The following SGCZ variants were observed in gnomAD, a reference collection of about 807,000 sequenced individuals.
SGCZ encodes the protein zeta-sarcoglycan.
SGCZ carries 40 observed loss-of-function variants against 41.3 expected under a neutral mutation model. The observed-to-expected ratio is 0.97, with a 90% CI of 0.75 to 1.26. SGCZ has a LOEUF of 1.26. Among genes scored for constraint, SGCZ ranks in the 50% most tolerant of loss-of-function variants. The pLI, the probability that SGCZ is intolerant of heterozygous loss-of-function variation, is 0.00. For missense variants in SGCZ, 552 were observed against 369.8 expected, an observed-to-expected ratio of 1.49 and a Z score of -4.04; for synonymous variants, 206 against 137.5, an observed-to-expected ratio of 1.50 and a Z score of -3.49.
At chr8:14,359,285 G>C (rs911218874) in intron 2 of SGCZ, among the ~76,000 whole-genome samples, 3 of 152,078 alleles carry the variant, frequency 2.0e-5, no homozygotes, top group Non-Finnish European at 4.4e-5. Context: ...TCTAGCGGTT[G>C]ACTTCAACAC....
chr8:14,732,667 G>C (rs1266493758), intron 1 of SGCZ, among the ~76,000 whole-genome samples: 1 of 152,162 alleles, frequency 6.6e-6, no homozygotes, highest in Non-Finnish European at 1.5e-5. Context: ...ATTCTGACAA[G>C]TTACTTAACC....
chr8:14,102,419 G>T lies in SGCZ; in HGVS notation c.701C>A (p.Ala234Asp). 2.0e-6 allele frequency: 3 copies of T among 1,532,644 alleles called. No homozygotes were observed. The highest frequency in any genetic ancestry group is 1.8e-6 in the Non-Finnish European group (2 of 1,128,702). The allele number at this position is 1,532,644 out of a possible 1,614,324, so 94.9% of individuals were successfully genotyped here. A position where few individuals can be genotyped will look rare whatever the true frequency, so the allele number is the denominator to read the frequency against. ...QVSAAAGDFK[A>D]TCRKELHLQS... ...CAGATGGAGCTCCTTCCTGCAGGTG[G>T]CCTTGAAGTCTCCTGCAGCAGCACT... The change falls in exon 7 of 8, where the codon GCC (alanine) becomes GAC (aspartate). Residue 234 changes from alanine (A) to aspartate (D), a missense_variant. Ala to Asp is a moderately radical substitution (Grantham distance 126, BLOSUM62 -2). Transcript: ENST00000382080.
chr8:14,165,014 C>T (rs1214103980), intron 4 of SGCZ: 1 of 268,196 alleles, frequency 3.7e-6, no homozygotes, highest in African/African-American at 2.2e-5. Context: ...CTGTTGCAGG[C>T]TGAAACCTTG....
intron 1 of SGCZ, among the ~76,000 whole-genome samples, chr8:15,015,318 T>C (rs4831668): frequency 0.29 from 44,211 of 151,998 alleles, 7,065 homozygotes; most frequent in East Asian, 0.53. Context: ...TTTGCATCAA[T>C]TGACAAATAG....
At chr8:15,160,398 T>G (rs1019730413) in intron 1 of SGCZ, among the ~76,000 whole-genome samples, 1 of 152,208 alleles carries the variant, frequency 6.6e-6, no homozygotes, top group African/African-American at 2.4e-5. Context: ...TTTGATAGAC[T>G]CTTGGGTGCT....
At chr8:14,770,080 T>A (rs190215040) in intron 1 of SGCZ, among the ~76,000 whole-genome samples, 33 of 150,682 alleles carry the variant, frequency 2.2e-4, no homozygotes, top group Admixed American at 2.0e-3. Flanking sequence ...AATTTGTTTT[T>A]TCAAAATGAG....
intron 5 of SGCZ, among the ~76,000 whole-genome samples, chr8:14,129,837 A>C (rs1802984403): frequency 6.6e-6 from 1 of 152,210 alleles, no homozygotes; most frequent in Admixed American, 6.5e-5. Context: ...AGAAATGAAT[A>C]AAGACAGAAG....
At chr8:14,639,734 G>A (rs1297276561) in intron 1 of SGCZ, among the ~76,000 whole-genome samples, 1 of 151,386 alleles carries the variant, frequency 6.6e-6, no homozygotes, top group Admixed American at 6.6e-5. Flanking sequence ...GAATAAAACC[G>A]ATAAGGACTT....
At chr8:14,501,362 C>A (rs1186114410) in intron 2 of SGCZ, among the ~76,000 whole-genome samples, 1 of 151,924 alleles carries the variant, frequency 6.6e-6, no homozygotes, top group African/African-American at 2.4e-5. Flanking sequence ...CTAACATAGT[C>A]ACAGTTTCTG....
rs531191684 is a variant in SGCZ, at chr8:15,173,424, T to A, written c.39+64161A>T. Among the ~76,000 whole-genome samples the A allele has an allele frequency of 1.6e-4, 24 of 152,296 alleles. 1 individual carries two copies. Among genetic ancestry groups the A allele is most frequent in the African/African-American group, 4.8e-4 (20 of 41,582 alleles). ...ACCATTTATGACTAAATGAGACAGT[T>A]TCTATAAAGCCTATAACATAATACC... On this transcript the variant is annotated intron_variant, in intron 1 of 7. Transcript: ENST00000382080.
intron 1 of SGCZ, among the ~76,000 whole-genome samples, chr8:15,157,591 C>T (rs914897726): frequency 6.6e-6 from 1 of 152,192 alleles, no homozygotes; most frequent in African/African-American, 2.4e-5. Flanking sequence ...GAGGCTACCA[C>T]ACCAGACTAA....
chr8:14,295,114 C>G (rs977755581), intron 3 of SGCZ, among the ~76,000 whole-genome samples: 5 of 152,076 alleles, frequency 3.3e-5, no homozygotes, highest in Non-Finnish European at 4.4e-5. Flanking sequence ...AAACTTATGT[C>G]CATACAAAAG....
chr8:14,635,974 A>T (rs974062676), intron 1 of SGCZ, among the ~76,000 whole-genome samples: 1 of 151,908 alleles, frequency 6.6e-6, no homozygotes, highest in African/African-American at 2.4e-5. Context: ...ATTAAGTTCT[A>T]CCCAAGAAGG....
chr8:14,433,776 G>C (rs1406131132), intron 2 of SGCZ, among the ~76,000 whole-genome samples: 1 of 152,130 alleles, frequency 6.6e-6, no homozygotes, highest in African/African-American at 2.4e-5. Flanking sequence ...TTATTTCTAA[G>C]CAGTACTAAC....
chr8:15,195,765 C>T (rs995578321), intron 1 of SGCZ, among the ~76,000 whole-genome samples: 6 of 152,092 alleles, frequency 3.9e-5, no homozygotes, highest in Non-Finnish European at 5.9e-5. Context: ...AACTTACCTC[C>T]CACATTTCAG....
At chr8:14,288,973 AG>A (rs1215948092) in intron 3 of SGCZ, among the ~76,000 whole-genome samples, 3 of 152,058 alleles carry the variant, frequency 2.0e-5, no homozygotes, top group Admixed American at 6.6e-5. Flanking sequence ...CAGTCATTCC[AG>A]GGGACTGCAA....
In SGCZ at chr8:14,332,908, T is replaced by TAC. The variant is rs1440850742; in HGVS notation, c.235-8706_235-8705dup. 2.8e-5 allele frequency among the ~76,000 whole-genome samples: 4 copies of TAC among 145,384 alleles called. No individual in the cohort carries two copies. In the East Asian group the frequency reaches 7.9e-4, roughly 29 times the overall value. On this transcript the variant is annotated intron_variant, in intron 2 of 7. Coordinates refer to ENST00000382080, the MANE Select transcript of SGCZ (RefSeq NM_139167.4). ...TATTATATGTGTGTCTATATATCTA[T>TAC]ACACACATATATATACATATATATA...
intron 1 of SGCZ, among the ~76,000 whole-genome samples, chr8:14,614,906 T>C (rs1246039299): frequency 2.0e-5 from 3 of 152,158 alleles, no homozygotes; most frequent in African/African-American, 7.2e-5. Context: ...ACATGTTTTA[T>C]CACTTTATAT....
intron 2 of SGCZ, among the ~76,000 whole-genome samples, chr8:14,458,550 G>A (rs1240957540): frequency 6.6e-6 from 1 of 152,106 alleles, no homozygotes; most frequent in African/African-American, 2.4e-5. Context: ...CCATGTTGGT[G>A]GATTCTAAGT....
Sources: gnomAD v4.1 joint callset for allele counts (sites outside exome capture counted in the v4.1 genomes callset) on GRCh38, gnomAD v4.1.1 for gene constraint, MANE v1.5 for transcripts, NCBI Gene and HGNC (gene_info 2026-07-23, HGNC 2026-07-21) for gene names.